The following BCAN variants were observed in gnomAD, a reference collection of about 807,000 sequenced individuals.
BCAN encodes the protein brevican.
A neutral mutation model predicts 92.4 loss-of-function variants in BCAN; 51 were observed. That is an observed-to-expected ratio of 0.55 (90% CI 0.44 to 0.70). BCAN has a LOEUF of 0.70. Among genes scored for constraint, BCAN ranks in the 30% least tolerant of loss-of-function variants. BCAN has a pLI of 0.00. For missense variants in BCAN, 1,140 were observed against 1,212.1 expected, an observed-to-expected ratio of 0.94 and a Z score of 0.88; for synonymous variants, 501 against 505.2, an observed-to-expected ratio of 0.99 and a Z score of 0.11.
intron 8 of BCAN, among the ~76,000 whole-genome samples, chr1:156,655,020 A>G (rs546419733): frequency 6.6e-6 from 1 of 152,368 alleles, no homozygotes; most frequent in South Asian, 2.1e-4. Context: ...TGGCCAGGCC[A>G]GCGGGAAGCA....
In BCAN at chr1:156,657,006, A is replaced by G. The variant is rs962702700; in HGVS notation, c.2119A>G (p.Arg707Gly). 3 of 1,614,140 alleles carry G rather than the reference A, an allele frequency of 1.9e-6. No individual in the cohort carries two copies. Among genetic ancestry groups the G allele is most frequent in the Non-Finnish European group, 2.5e-6 (3 of 1,180,010 alleles). Residue 707 changes from arginine (R) to glycine (G), a missense_variant, in exon 10 of 14, where the codon AGG (arginine) becomes GGG (glycine). Arg to Gly is a moderately radical substitution (Grantham distance 125). This residue lies in a region of BCAN where 825 missense variants were observed against 871.8 expected (regional missense o/e 0.95). Transcript: ENST00000329117. ...CTGCTACAAGCACTTTTCCACACGAAGGAGCTGGGAGGAGGCAGAGACCCA... is the reference window on the plus strand; with the variant it reads ...CTGCTACAAGCACTTTTCCACACGAGGGAGCTGGGAGGAGGCAGAGACCCA... ...GACYKHFSTRRSWEEAETQCR... is the reference protein window; with the variant it reads ...GACYKHFSTRGSWEEAETQCR...
rs1679040091 is a variant in BCAN, at chr1:156,647,926, T to C, written c.642-57T>C. On this transcript the variant is annotated intron_variant, in intron 4 of 13. Transcript: ENST00000329117. This position sits in a 1 kb window ranked among gnomAD's most constrained non-coding sequence, Gnocchi z 4.8. ...GCAGTGGGGTTCAATAGAATCAATA[T>C]GGGCTGGCTCCCTGGTGAAAGCATC... The C allele has an allele frequency of 3.1e-6, 5 of 1,607,304 alleles. No homozygotes were observed. In the South Asian group the frequency reaches 4.4e-5, roughly 14 times the overall value.
intron 10 of BCAN, 121 bp from the exon 11 acceptor site, chr1:156,657,554 C>A: frequency 1.3e-6 from 1 of 742,502 alleles, no homozygotes; most frequent in South Asian, 1.8e-5. Context: ...AAGAACCCGA[C>A]AAGGGCGGGT....
rs1679210154 is a variant in BCAN at position 156,652,655 on chromosome 1, A to C, written c.1705A>C (p.Thr569Pro). 4 of 1,613,772 alleles carry C rather than the reference A, an allele frequency of 2.5e-6. No individual in the cohort carries two copies. Among genetic ancestry groups the C allele is most frequent in the Non-Finnish European group, 3.4e-6 (4 of 1,179,756 alleles). Residue 569 changes from threonine (T) to proline (P), a missense_variant, in exon 8 of 14, where the codon ACT becomes CCT. Transcript: ENST00000329117. ...LVEAREVGEA[T>P]GGPELSGVPR... ...TGAGGCAAGAGAGGTGGGGGAGGCA[A>C]CTGGTGGTCCTGAGCTATCTGGGGT... is the stretch of plus-strand genomic sequence containing the variant.
rs141651879 is a variant in BCAN at position 156,656,314 on chromosome 1, G to T, written c.1975G>T (p.Gly659Trp). 1 of 1,449,434 alleles carries T rather than the reference G, an allele frequency of 6.9e-7. No individual in the cohort carries two copies. Among genetic ancestry groups the T allele is most frequent in the Non-Finnish European group, 9.0e-7 (1 of 1,108,278 alleles). The allele number at this position is 1,449,434 out of a possible 1,614,324, so 89.8% of individuals were successfully genotyped here. A position where few individuals can be genotyped will look rare whatever the true frequency, so the allele number is the denominator to read the frequency against. Residue 659 changes from glycine (G) to tryptophan (W), a missense_variant, in exon 9 of 14, where the codon GGG (glycine) becomes TGG (tryptophan). Physicochemically the swap from Gly to Trp is radical, Grantham distance 184. Coordinates refer to ENST00000329117, the MANE Select transcript of BCAN (RefSeq NM_021948.5). ...TGTCCCCAGCCCCTGCCACAATGGT[G>T]GGACATGCTTGGAGGAGGAGGAAGG... ...DCVPSPCHNG[G>W]TCLEEEEGVR...
chr1:156,649,760 T>C (rs181927477), intron 6 of BCAN: 27 of 413,664 alleles, frequency 6.5e-5, no homozygotes, highest in African/African-American at 5.3e-4. Context: ...GACTCTCAGA[T>C]GCAAAAGGCC....
chr1:156,656,207 A>T, intron 8 of BCAN, 75 bp from the exon 9 acceptor site: 1 of 1,061,308 alleles, frequency 9.4e-7, no homozygotes, highest in Non-Finnish European at 1.3e-6. Context: ...GACCCTCTGC[A>T]CCCTCTCCTG....
intron 11 of BCAN, 66 bp downstream of exon 11, chr1:156,657,823 C>A: frequency 7.4e-7 from 1 of 1,353,150 alleles, no homozygotes; most frequent in Non-Finnish European, 1.0e-6. Flanking sequence ...TTCCCTACCA[C>A]CCCCACCCCT....
At position 156,657,669 on chromosome 1, in the gene BCAN, C is replaced by T. The variant is rs766956919; in HGVS notation, c.2210-6C>T. 5.6e-6 allele frequency: 9 copies of T among 1,608,616 alleles called. No homozygotes were observed. In the Admixed American group the frequency reaches 1.2e-4, roughly 22 times the overall value. On this transcript the variant is annotated splice_region_variant and splice_polypyrimidine_tract_variant and intron_variant, in intron 10 of 13. Coordinates refer to ENST00000329117, the MANE Select transcript of BCAN (RefSeq NM_021948.5). ...CTGCGCTCACTGCACGCCTTCGTCT[C>T]CCTAGACCGGTACCGGGAGTACCAG...
intron 7 of BCAN, 63 bp downstream of exon 7, chr1:156,651,752 A>G (rs1050099621): frequency 2.1e-6 from 3 of 1,437,122 alleles, no homozygotes; most frequent in Non-Finnish European, 2.8e-6. Context: ...AGAAGAGGCA[A>G]GCCCAGGTTG....
At position 156,650,125 on chromosome 1, in the gene BCAN, GGTA is replaced by G. The variant is rs376981111; in HGVS notation, c.1063+1289_1063+1291del. ...ATCTGAAAAGACCTCCTGGAACAGG[GGTA>G]GTAGTAGTAGTAGTAGTAGTAGTAA... On this transcript the variant is annotated intron_variant, in intron 6 of 13. Transcript: ENST00000329117. Among the ~76,000 whole-genome samples, 567 of 151,502 alleles carry G rather than the reference GGTA, an allele frequency of 3.7e-3. 3 individuals are homozygous for G. Among genetic ancestry groups the G allele is most frequent in the South Asian group, 0.015 (73 of 4,754 alleles).
chr1:156,647,385 A>G lies in BCAN; in HGVS notation c.467-123A>G, dbSNP rs756970982. On this transcript the variant is annotated intron_variant, in intron 3 of 13. Transcript: ENST00000329117. This position sits in a 1 kb window ranked among gnomAD's most constrained non-coding sequence, Gnocchi z 4.8. ...ACCCACAATCTAACTTAAGTCCCTC[A>G]TGCTGTAGAGTGAGCACAATTGAAC... 39 of 1,190,402 alleles carry G rather than the reference A, an allele frequency of 3.3e-5. No individual in the cohort carries two copies. Among genetic ancestry groups the G allele is most frequent in the African/African-American group, 4.6e-5 (3 of 65,150 alleles). 73.7% of individuals were successfully genotyped at this position (1,190,402 alleles called of 1,614,324 possible).
chr1:156,647,749 G>T lies in BCAN; in HGVS notation c.641+67G>T, dbSNP rs1679033018. 6.4e-7 allele frequency: 1 copy of T among 1,553,394 alleles called. No individual in the cohort carries two copies. The highest frequency in any genetic ancestry group is 1.2e-5 in the South Asian group (1 of 83,828). On this transcript the variant is annotated intron_variant, in intron 4 of 13. Transcript: ENST00000329117. This position sits in a 1 kb window ranked among gnomAD's most constrained non-coding sequence, Gnocchi z 4.8. ...GGTGGCCATGGCCCCCCTTCTGCTG[G>T]GTGCTGCCTGCTGTGTCAGGCTGGA...
At chr1:156,653,440 A>G in intron 8 of BCAN, 1 of 991,366 alleles carries the variant, frequency 1.0e-6, no homozygotes, top group Non-Finnish European at 1.2e-6. Context: ...CAAGCCTTGG[A>G]AATAAATCTC....
Position 156,652,700 on chromosome 1 carries a change from G to C in BCAN, c.1750G>C (p.Glu584Gln). 1 of 1,607,388 alleles carries C rather than the reference G, an allele frequency of 6.2e-7. No homozygotes were observed. Among genetic ancestry groups the C allele is most frequent in the Non-Finnish European group, 8.5e-7 (1 of 1,175,570 alleles). Reference protein sequence around the residue: ...LSGVPRGESEETGSSEGAPSL... With the variant: ...LSGVPRGESEQTGSSEGAPSL... Reference sequence around the variant, plus strand: ...TGGGGTCCCTCGAGGAGAGAGCGAGGAGACAGGAAGCTCCGAGGGTGCCCC... The same window carrying C: ...TGGGGTCCCTCGAGGAGAGAGCGAGCAGACAGGAAGCTCCGAGGGTGCCCC... The change falls in exon 8 of 14, where the codon GAG (glutamate) becomes CAG (glutamine). Residue 584 changes from glutamate (E) to glutamine (Q), a missense_variant. This residue lies in a region of BCAN where 825 missense variants were observed against 871.8 expected (regional missense o/e 0.95). Coordinates refer to ENST00000329117, the MANE Select transcript of BCAN (RefSeq NM_021948.5).
At position 156,652,367 on chromosome 1, in the gene BCAN, G is replaced by A. The variant is rs750034985; in HGVS notation, c.1417G>A (p.Glu473Lys). 6.2e-7 allele frequency: 1 copy of A among 1,612,996 alleles called. No homozygotes were observed. Among genetic ancestry groups the A allele is most frequent in the South Asian group, 1.1e-5 (1 of 90,948 alleles). ...GAAAGAGGAGGAAGAAGAAGAGGAG[G>A]AGGTGGAGGATGAGGCTCTGTGGGC... ...EEKEEEEEEE[E>K]VEDEALWAWP... Residue 473 changes from glutamate (E) to lysine (K), a missense_variant, in exon 8 of 14, where the codon GAG becomes AAG. Coordinates refer to ENST00000329117, the MANE Select transcript of BCAN (RefSeq NM_021948.5).
At chr1:156,645,386 T>C (rs1162734815) in intron 1 of BCAN, among the ~76,000 whole-genome samples, 2 of 151,980 alleles carry the variant, frequency 1.3e-5, no homozygotes, top group Non-Finnish European at 2.9e-5. Context: ...ATGGAGAATG[T>C]TGGGGAGTAA....
Position 156,658,778 on chromosome 1 carries a change from A to G in BCAN, c.2628+45A>G. On this transcript the variant is annotated intron_variant, in intron 13 of 13. Coordinates refer to ENST00000329117, the MANE Select transcript of BCAN (RefSeq NM_021948.5). This position sits in a 1 kb window ranked among gnomAD's most constrained non-coding sequence, Gnocchi z 4.4. The stretch of plus-strand genomic sequence containing the variant: ...AGGTGGGAGTGGGAGACAGTAGCCA[A>G]CAGTAGCCTTGGACTCCACTTAAAG... 6.2e-7 allele frequency: 1 copy of G among 1,610,118 alleles called. No homozygotes were observed. Among genetic ancestry groups the G allele is most frequent in the Non-Finnish European group, 8.5e-7 (1 of 1,177,414 alleles).
chr1:156,647,716 G>A lies in BCAN; in HGVS notation c.641+34G>A. On this transcript the variant is annotated intron_variant, in intron 4 of 13. Coordinates refer to ENST00000329117, the MANE Select transcript of BCAN (RefSeq NM_021948.5). This position sits in a 1 kb window ranked among gnomAD's most constrained non-coding sequence, Gnocchi z 4.8. ...GGGCTGTGGATTGGGGCTTCTATTG[G>A]CCCCTGAGGTGGCCATGGCCCCCCT... The A allele has an allele frequency of 6.4e-7, 1 of 1,556,734 alleles. No individual in the cohort carries two copies. The highest frequency in any genetic ancestry group is 8.7e-7 in the Non-Finnish European group (1 of 1,149,358).
Sources: allele counts gnomAD v4.1 joint callset (sites outside exome capture counted in the v4.1 genomes callset), GRCh38; gene constraint gnomAD v4.1.1; regional missense constraint gnomAD v4.1.1; non-coding constraint Gnocchi (gnomAD v3.1); transcripts MANE v1.5; gene names NCBI Gene and HGNC (gene_info 2026-07-23, HGNC 2026-07-21).